Variants in RIPOR2 observed in about 807,000 individuals in gnomAD.
The protein encoded by RIPOR2 is RHO family interacting cell polarization regulator 2, also known as rho family-interacting cell polarization regulator 2.
RIPOR2 carries 39 observed loss-of-function variants against 114.5 expected under a neutral mutation model. The observed-to-expected ratio is 0.34, with a 90% CI of 0.26 to 0.44. RIPOR2 has a LOEUF of 0.44. RIPOR2 is among the 20% of genes least tolerant of loss of function. The probability of loss-of-function intolerance (pLI) is 1.00; values close to 1 mark genes in which losing one functional copy is unlikely to be tolerated. For synonymous variants in RIPOR2, 445 were observed against 484.4 expected (o/e 0.92, Z 1.07); for missense variants, 1,007 against 1,255.1 (o/e 0.80, Z 2.99).
intron 1 of RIPOR2, among the ~76,000 whole-genome samples, chr6:24,963,504 T>C (rs1463923998): frequency 1.3e-5 from 2 of 152,272 alleles, no homozygotes; most frequent in Non-Finnish European, 2.9e-5. Context: ...ATAGAACAAA[T>C]GGTATATATG....
At position 24,851,347 on chromosome 6, in the gene RIPOR2, AC is replaced by A. The variant is rs370127757; in HGVS notation, c.760-626del. Among the ~76,000 whole-genome samples the A allele has an allele frequency of 6.5e-3, 995 of 152,086 alleles. 3 individuals are homozygous for A. Among genetic ancestry groups the A allele is most frequent in the African/African-American group, 0.022 (902 of 41,470 alleles). On this transcript the variant is annotated intron_variant, in intron 9 of 21. Transcript: ENST00000643898. ...TCTACTTCAATAGAGCAGCCACACA[AC>A]CCAGCTCCTTTAGTGAGATGAGGAA...
chr6:25,027,347 G>T (rs186259511), intron 1 of RIPOR2, among the ~76,000 whole-genome samples: 1 of 152,138 alleles, frequency 6.6e-6, no homozygotes, highest in Non-Finnish European at 1.5e-5. Context: ...GGGTTCCCAG[G>T]GGGAGGCGCT....
In RIPOR2 at chr6:25,003,620, G is replaced by A. The variant is rs577658566; in HGVS notation, c.76+38231C>T. On this transcript the variant is annotated intron_variant, in intron 1 of 13. Coordinates refer to the RIPOR2 transcript ENST00000510784. ...AATTTTTCTATTTTTTGGTGGAGAC[G>A]GGGTCTTACTATGTTGCCCAGTCTG... Among the ~76,000 whole-genome samples the A allele has an allele frequency of 3.7e-4, 56 of 151,882 alleles. 1 individual carries two copies. Among genetic ancestry groups the A allele is most frequent in the African/African-American group, 1.3e-3 (53 of 41,402 alleles).
intron 1 of RIPOR2, among the ~76,000 whole-genome samples, chr6:24,989,314 G>A (rs1270027166): frequency 5.6e-5 from 7 of 125,150 alleles, no homozygotes; most frequent in South Asian, 2.4e-4. Context: ...TTTTTTTTTC[G>A]AGACAGAATC....
rs1202072619 is a variant in RIPOR2, at chr6:24,805,373, CAAAAT to C, written c.*995_*999del. ...GAATTTTCAGGATGGGGAAAAGAAA[CAAAAT>C]AAATTATGGGAGTTTTTTGTTTTTT... On this transcript the variant is annotated 3_prime_UTR_variant, in exon 22 of 22. Coordinates refer to ENST00000643898, the MANE Select transcript of RIPOR2 (RefSeq NM_001286445.3). 5.3e-5 allele frequency: 8 copies of C among 150,940 alleles called. No homozygotes were observed. Among genetic ancestry groups the C allele is most frequent in the Admixed American group, 5.3e-4 (8 of 15,140 alleles). 9.4% of individuals were successfully genotyped at this position (150,940 alleles called of 1,614,324 possible). A position where few individuals can be genotyped will look rare whatever the true frequency, so the allele number is the denominator to read the frequency against.
chr6:24,838,686 C>T (rs1396509104), intron 14 of RIPOR2, among the ~76,000 whole-genome samples: 1 of 151,974 alleles, frequency 6.6e-6, no homozygotes, highest in Non-Finnish European at 1.5e-5. Context: ...CCCAGCTACT[C>T]CGGAAGCTGA....
At position 24,873,850 on chromosome 6, in the gene RIPOR2, G is replaced by GGATTGGGCATCCAAAAGGAGTTAC; in HGVS notation, c.189-52_189-51insGTAACTCCTTTTGGATGCCCAATC. Reference sequence around the variant, plus strand: ...GAGGATTGGGCATCCAAAAGGATTTGACCAAAGAAAAATGTCTTCTATTAT... The same window carrying GGATTGGGCATCCAAAAGGAGTTAC: ...GAGGATTGGGCATCCAAAAGGATTTGGATTGGGCATCCAAAAGGAGTTACACCAAAGAAAAATGTCTTCTATTAT... On this transcript the variant is annotated intron_variant, in intron 2 of 21. Transcript: ENST00000643898. 2.7e-6 allele frequency: 4 copies of GGATTGGGCATCCAAAAGGAGTTAC among 1,476,056 alleles called. No homozygotes were observed. In the African/African-American group the frequency reaches 5.7e-5, roughly 21 times the overall value. The allele number at this position is 1,476,056 out of a possible 1,614,324, so 91.4% of individuals were successfully genotyped here. A position where few individuals can be genotyped will look rare whatever the true frequency, so the allele number is the denominator to read the frequency against.
In RIPOR2 at chr6:24,861,022, A is replaced by G. The variant is rs1581630172; in HGVS notation, c.666T>C (p.Ile222=). Residue 222 remains isoleucine (I), a synonymous_variant, in exon 8 of 22, where the codon ATT becomes ATC. Coordinates refer to ENST00000643898, the MANE Select transcript of RIPOR2 (RefSeq NM_001286445.3). ...CCAGCAGATTCTCTAGCTCCACTTC[A>G]ATGGTGCACATATTCTGCAAAGAGG... is the stretch of plus-strand genomic sequence containing the variant. The part of the protein sequence containing the change: ...FKEYTENMCT[I]EVELENLLGE... The G allele has an allele frequency of 6.2e-7, 1 of 1,609,960 alleles. No individual in the cohort carries two copies.
intron 9 of RIPOR2, among the ~76,000 whole-genome samples, chr6:24,851,150 C>T (rs1055017223): frequency 6.6e-6 from 1 of 152,120 alleles, no homozygotes; most frequent in African/African-American, 2.4e-5. Context: ...CCGCCTCAGC[C>T]TCCCAAAGTG....
chr6:24,911,065 C>G, intron 1 of RIPOR2: 1 of 815,350 alleles, frequency 1.2e-6, no homozygotes, highest in Non-Finnish European at 1.5e-6. Flanking sequence ...GCGGGGCTGG[C>G]GGGCGCGAGG....
chr6:24,853,183 G>A (rs1763130941), intron 8 of RIPOR2, among the ~76,000 whole-genome samples: 1 of 152,110 alleles, frequency 6.6e-6, no homozygotes, highest in Non-Finnish European at 1.5e-5. Flanking sequence ...CTTACATAAA[G>A]CTAGTGATTA....
rs576943660 is a variant in RIPOR2, at chr6:24,943,694, C to T, written c.77-67877G>A. Among the ~76,000 whole-genome samples, 3 of 152,210 alleles carry T rather than the reference C, an allele frequency of 2.0e-5. No individual in the cohort carries two copies. In the East Asian group the frequency reaches 5.8e-4, roughly 29 times the overall value. On this transcript the variant is annotated intron_variant, in intron 1 of 13. Coordinates refer to the RIPOR2 transcript ENST00000510784. ...CCAGCTTCCACACACTTCACCTTAT[C>T]TCTGTGGTAGCCTTGAAAATCAGCA...
intron 1 of RIPOR2, among the ~76,000 whole-genome samples, chr6:24,984,255 G>A (rs1204917220): frequency 6.6e-6 from 1 of 152,226 alleles, no homozygotes; most frequent in African/African-American, 2.4e-5. Context: ...CCTGGGTGCA[G>A]GCGGGCTGAG....
At chr6:24,867,233 A>T (rs561202712) in intron 6 of RIPOR2, among the ~76,000 whole-genome samples, 12 of 152,336 alleles carry the variant, frequency 7.9e-5, no homozygotes, top group African/African-American at 2.9e-4. Context: ...TATAAGACTC[A>T]AGGAGTGTCC....
Position 24,924,916 on chromosome 6 carries a change from A to G in RIPOR2, c.61+10922T>C, listed in dbSNP as rs572559152. Among the ~76,000 whole-genome samples, 108 of 152,320 alleles carry G rather than the reference A, an allele frequency of 7.1e-4. 1 individual carries two copies. In the South Asian group the frequency reaches 0.021, roughly 29 times the overall value. ...AGGAAATTTTATAAATATATATAACAAGAAAGAAAATAAAATTTCACATAT... is the reference window on the plus strand; with the variant it reads ...AGGAAATTTTATAAATATATATAACGAGAAAGAAAATAAAATTTCACATAT... On this transcript the variant is annotated intron_variant, in intron 1 of 21. Transcript: ENST00000643898.
intron 1 of RIPOR2, among the ~76,000 whole-genome samples, chr6:24,967,439 C>T (rs1263174464): frequency 6.6e-6 from 1 of 152,174 alleles, no homozygotes; most frequent in East Asian, 1.9e-4. Context: ...GGCCTTGGTA[C>T]CATCTGTTCC....
chr6:24,819,638 G>A (rs915078843), intron 19 of RIPOR2, among the ~76,000 whole-genome samples: 6 of 92,698 alleles, frequency 6.5e-5, no homozygotes, highest in Non-Finnish European at 1.2e-4. Flanking sequence ...CTCGATTACA[G>A]GTGCCCACCA....
intron 1 of RIPOR2, among the ~76,000 whole-genome samples, chr6:24,887,171 G>A (rs1214437395): frequency 1.3e-5 from 2 of 152,186 alleles, no homozygotes; most frequent in Non-Finnish European, 2.9e-5. Context: ...TACTGATGGG[G>A]TACTAACATC....
intron 5 of RIPOR2, 73 bp from the exon 6 acceptor site, chr6:24,869,220 G>C: frequency 2.9e-6 from 2 of 689,844 alleles, no homozygotes; most frequent in South Asian, 1.8e-5. Context: ...AGAATATCTT[G>C]ATTATATCAT....
Sources: gnomAD v4.1 joint callset for allele counts (sites outside exome capture counted in the v4.1 genomes callset) on GRCh38, gnomAD v4.1.1 for gene constraint, MANE v1.5 for transcripts, NCBI Gene and HGNC (gene_info 2026-07-23, HGNC 2026-07-21) for gene names.